The following CACNA1A variants were observed in gnomAD, a reference collection of about 807,000 sequenced individuals.
The protein encoded by CACNA1A is voltage-dependent P/Q-type calcium channel subunit alpha-1A.
In CACNA1A, 57 loss-of-function variants were observed where a neutral mutation model predicts 262.4. That is an observed-to-expected ratio of 0.22 (90% CI 0.18 to 0.27). The LOEUF is 0.27. Ranked by LOEUF, CACNA1A falls within the 10% of genes least tolerant of loss-of-function variation. CACNA1A has a pLI of 1.00. For synonymous variants in CACNA1A, 1,431 were observed against 1,419.3 expected, an observed-to-expected ratio of 1.01 and a Z score of -0.18; for missense variants, 2,526 against 3,562.8, an observed-to-expected ratio of 0.71 and a Z score of 7.41.
chr19:13,313,229 T>C (rs545006954), intron 11 of CACNA1A, among the ~76,000 whole-genome samples: 1 of 152,086 alleles, frequency 6.6e-6, no homozygotes, highest in South Asian at 2.1e-4. Flanking sequence ...TGGCTGGGCA[T>C]GGTGGCTCAC....
intron 3 of CACNA1A, among the ~76,000 whole-genome samples, chr19:13,385,009 C>T (rs1027266558): frequency 6.6e-6 from 1 of 151,802 alleles, no homozygotes; most frequent in African/African-American, 2.4e-5. Context: ...AGCTGCACCG[C>T]CCAATAAAGT....
At position 13,212,891 on chromosome 19, in the gene CACNA1A, A is replaced by G. The variant is rs1280418359; in HGVS notation, c.5941-151T>C. On this transcript the variant is annotated intron_variant, in intron 40 of 46. Coordinates refer to ENST00000360228, the MANE Select transcript of CACNA1A (RefSeq NM_001127222.2). This position sits in a 1 kb window ranked among gnomAD's most constrained non-coding sequence, Gnocchi z 5.6. ...CATCTAGACCCTTCCAATTCCACGC[A>G]GAACTGGACCACTTCTCACTCCTCC... Among the ~76,000 whole-genome samples the G allele has an allele frequency of 6.6e-6, 1 of 152,008 alleles. No homozygotes were observed. Among genetic ancestry groups the G allele is most frequent in the Non-Finnish European group, 1.5e-5 (1 of 68,000 alleles).
intron 1 of CACNA1A, among the ~76,000 whole-genome samples, chr19:13,474,241 A>G (rs914816606): frequency 6.6e-6 from 1 of 152,188 alleles, no homozygotes; most frequent in Admixed American, 6.5e-5. Context: ...AATCTCTTAC[A>G]ACCATGAAGA....
intron 4 of CACNA1A, chr19:13,366,040 G>A (rs867396223): frequency 2.6e-5 from 4 of 151,818 alleles, no homozygotes; most frequent in Admixed American, 6.6e-5. Flanking sequence ...CCAGGCTGGA[G>A]TGCAGTGGTG....
intron 1 of CACNA1A, among the ~76,000 whole-genome samples, chr19:13,470,959 C>T (rs1248999809): frequency 1.3e-5 from 2 of 152,136 alleles, no homozygotes; most frequent in African/African-American, 4.8e-5. Flanking sequence ...TTTATTCTCT[C>T]GTCATCCTGG....
At chr19:13,400,945 C>T (rs1230349520) in intron 3 of CACNA1A, among the ~76,000 whole-genome samples, 1 of 152,178 alleles carries the variant, frequency 6.6e-6, no homozygotes, top group African/African-American at 2.4e-5. Context: ...CTGCCTCAGC[C>T]TCCTGAGTAG....
At chr19:13,416,919 G>A (rs550814057) in intron 3 of CACNA1A, among the ~76,000 whole-genome samples, 3 of 152,138 alleles carry the variant, frequency 2.0e-5, no homozygotes, top group Non-Finnish European at 4.4e-5. Context: ...GGATTGTTGT[G>A]TATATTTTGC....
At chr19:13,325,608 T>C (rs2058347298) in intron 10 of CACNA1A, among the ~76,000 whole-genome samples, 1 of 152,156 alleles carries the variant, frequency 6.6e-6, no homozygotes. Context: ...CCGATTTTTG[T>C]ATATTTATTA....
rs1258964238 is a variant in CACNA1A, at chr19:13,414,202, G to A, written c.539+38674C>T. 3.3e-5 allele frequency among the ~76,000 whole-genome samples: 5 copies of A among 152,024 alleles called. No homozygotes were observed. In the South Asian group the frequency reaches 1.0e-3, roughly 32 times the overall value. ...GAGTCCGGGAGTTTGAGACCAGCCT[G>A]GGCAACATAGGGAGACTCCTTCTCT... On this transcript the variant is annotated intron_variant, in intron 3 of 46. Coordinates refer to ENST00000360228, the MANE Select transcript of CACNA1A (RefSeq NM_001127222.2).
intron 10 of CACNA1A, among the ~76,000 whole-genome samples, chr19:13,326,991 C>G (rs2058375061): frequency 1.3e-5 from 2 of 151,710 alleles, no homozygotes; most frequent in Non-Finnish European, 2.9e-5. Flanking sequence ...CTCCTGGGCT[C>G]AGGTGATCCA....
rs1222699673 is a variant in CACNA1A at position 13,298,672 on chromosome 19, C to A, written c.2961G>T (p.Arg987=). The A allele has an allele frequency of 6.8e-7, 1 of 1,477,002 alleles. No individual in the cohort carries two copies. The highest frequency in any genetic ancestry group is 1.8e-4 in the Middle Eastern group (1 of 5,614). 91.5% of individuals were successfully genotyped at this position (1,477,002 alleles called of 1,614,324 possible). A position where few individuals can be genotyped will look rare whatever the true frequency, so the allele number is the denominator to read the frequency against. The change falls in exon 19 of 47, where the codon CGG becomes CGT. Residue 987 remains arginine (R), a synonymous_variant. Transcript: ENST00000360228. Reference sequence around the variant, plus strand: ...GGCCCTCGCCCTCGCCCTCGCCGCCCCGGGCCGGCCGGCTGCCCTCGCGGT... The same window carrying A: ...GGCCCTCGCCCTCGCCCTCGCCGCCACGGGCCGGCCGGCTGCCCTCGCGGT... ...ARHREGSRPA[R]GGEGEGEGPD...
intron 1 of CACNA1A, among the ~76,000 whole-genome samples, chr19:13,469,928 C>A (rs1357727713): frequency 1.3e-5 from 2 of 152,046 alleles, no homozygotes; most frequent in African/African-American, 4.8e-5. Flanking sequence ...CCTCCTGTTT[C>A]TCTCCTGGAA....
chr19:13,317,091 G>C, intron 11 of CACNA1A, 21 bp downstream of exon 11: 1 of 1,549,460 alleles, frequency 6.5e-7, no homozygotes, highest in Admixed American at 1.7e-5. Context: ...GTTGGCAGGG[G>C]TGGGGCTGGG....
Position 13,506,167 on chromosome 19 carries a change from C to T in CACNA1A, c.58G>A (p.Ala20Thr). 1.3e-6 allele frequency: 2 copies of T among 1,541,536 alleles called. No homozygotes were observed. Among genetic ancestry groups the T allele is most frequent in the South Asian group, 1.2e-5 (1 of 82,096 alleles). The change falls in exon 1 of 47, where the codon GCC (alanine) becomes ACC (threonine). Residue 20 changes from alanine (A) to threonine (T), a missense_variant. Transcript: ENST00000360228. ...CCGCTGCCCACGACCACCCCGGCGG[C>T]TGCCCCGGAGCCTCCTCCCCCGTAG... ...ARYGGGGSGA[A>T]AGVVVGSGGG...
At position 13,224,486 on chromosome 19, in the gene CACNA1A, CAA is replaced by C. The variant is rs71168691; in HGVS notation, c.5731+179_5731+180del. ...TGGGCAACAGAGCAAGACTCTGTCT[CAA>C]AAAAAAAAAAAAAAAAACACCAAAA... On this transcript the variant is annotated intron_variant, in intron 38 of 46. Coordinates refer to ENST00000360228, the MANE Select transcript of CACNA1A (RefSeq NM_001127222.2). Among the ~76,000 whole-genome samples the C allele has an allele frequency of 4.7e-3, 529 of 113,240 alleles. 3 individuals are homozygous for C. The highest frequency in any genetic ancestry group is 0.011 in the African/African-American group (330 of 29,948). The allele number at this position is 113,240 out of a possible 152,430, so 74.3% of individuals were successfully genotyped here.
chr19:13,250,298 G>T (rs1358576726), intron 30 of CACNA1A, among the ~76,000 whole-genome samples: 2 of 151,838 alleles, frequency 1.3e-5, no homozygotes, highest in Non-Finnish European at 2.9e-5. Context: ...GACCTCAAGG[G>T]ATCTGCCCTC....
chr19:13,231,788 A>G lies in CACNA1A; in HGVS notation c.5322T>C (p.Ser1774=). 6.2e-7 allele frequency: 1 copy of G among 1,613,900 alleles called. No homozygotes were observed. ...TGCCACACTCTCGAGTCAGGATGCC[A>G]GAGTTCTTATCACACGGTTTCCCGC... ...CLSGKPCDKN[S]GILTRECGNE... is the part of the protein sequence containing the mutation. The change falls in exon 35 of 47, where the codon TCT becomes TCC. Residue 1774 remains serine, a synonymous_variant. Coordinates refer to ENST00000360228, the MANE Select transcript of CACNA1A (RefSeq NM_001127222.2).
At chr19:13,421,446 C>T (rs568748946) in intron 3 of CACNA1A, among the ~76,000 whole-genome samples, 10 of 152,136 alleles carry the variant, frequency 6.6e-5, no homozygotes, top group Non-Finnish European at 1.0e-4. Context: ...TAATTTAAAC[C>T]TCAATTATAA....
rs1471373447 is a variant in CACNA1A at position 13,207,672 on chromosome 19, C to G, written c.7162G>C (p.Ala2388Pro). 7.0e-7 allele frequency: 1 copy of G among 1,432,314 alleles called. No homozygotes were observed. The highest frequency in any genetic ancestry group is 1.4e-5 in the South Asian group (1 of 72,912). 88.7% of individuals were successfully genotyped at this position (1,432,314 alleles called of 1,614,324 possible). A position where few individuals can be genotyped will look rare whatever the true frequency, so the allele number is the denominator to read the frequency against. Residue 2388 changes from alanine to proline, a missense_variant, in exon 47 of 47, where the codon GCC (alanine) becomes CCC (proline). By Grantham distance (27) the Ala-to-Pro change is conservative. This residue lies in a region of CACNA1A where 929 missense variants were observed against 868.1 expected (regional missense o/e 1.07). Transcript: ENST00000360228. The surrounding 1 kb of genome is among the most constrained non-coding windows in gnomAD (Gnocchi z 5.7). The stretch of plus-strand genomic sequence containing the variant: ...TGCGGGCCAGATGCCGGCCACCGGG[C>G]CCCGCCGTGTCGACAGGCCCTGGGG... Reference protein sequence around the residue: ...ESPRACRHGGARWPASGPHVS... With the variant: ...ESPRACRHGGPRWPASGPHVS...
Sources: gnomAD v4.1 joint callset for allele counts (sites outside exome capture counted in the v4.1 genomes callset) on GRCh38, gnomAD v4.1.1 for gene constraint, gnomAD v4.1.1 regional missense constraint, Gnocchi (gnomAD v3.1) non-coding constraint, MANE v1.5 for transcripts, NCBI Gene and HGNC (gene_info 2026-07-23, HGNC 2026-07-21) for gene names.